The following ZHX3 variants were observed in gnomAD, a reference collection of about 807,000 sequenced individuals.
ZHX3 encodes zinc fingers and homeoboxes 3.
ZHX3 carries 20 observed loss-of-function variants against 64.5 expected under a neutral mutation model. The ratio of observed to expected loss-of-function variants is 0.31; its 90% CI spans 0.22 to 0.45. The LOEUF is 0.45. ZHX3 is among the 20% of genes least tolerant of loss of function. The pLI is 1.00. For missense variants in ZHX3, 1,041 were observed against 1,195.8 expected, an observed-to-expected ratio of 0.87 and a Z score of 1.91; for synonymous variants, 423 against 461.6, an observed-to-expected ratio of 0.92 and a Z score of 1.07.
chr20:41,235,972 C>T (rs2040954629), intron 2 of ZHX3, among the ~76,000 whole-genome samples: 1 of 152,046 alleles, frequency 6.6e-6, no homozygotes, highest in South Asian at 2.1e-4. Context: ...TCCGATACAC[C>T]AATAACAGAC....
chr20:41,224,978 G>A lies in ZHX3; in HGVS notation c.-150-19912C>T, dbSNP rs1310843068. On this transcript the variant is annotated intron_variant, in intron 2 of 3. Coordinates refer to ENST00000683867, the MANE Select transcript of ZHX3 (RefSeq NM_001384317.1). The surrounding 1 kb of genome is among the most constrained non-coding windows in gnomAD (Gnocchi z 5.2). Reference sequence around the variant, plus strand: ...TCACTTTGGCTAGGCTGTAAGCTCTGTAAGTAAGGTCAGGGCCTATATCCA... The same window carrying A: ...TCACTTTGGCTAGGCTGTAAGCTCTATAAGTAAGGTCAGGGCCTATATCCA... Among the ~76,000 whole-genome samples, 3 of 152,204 alleles carry A rather than the reference G, an allele frequency of 2.0e-5. No homozygotes were observed. The highest frequency in any genetic ancestry group is 7.2e-5 in the African/African-American group (3 of 41,460).
At chr20:41,309,754 C>T (rs2045076423) in intron 1 of ZHX3, among the ~76,000 whole-genome samples, 1 of 152,188 alleles carries the variant, frequency 6.6e-6, no homozygotes. Flanking sequence ...GCCCACTTTC[C>T]TTTTCTCCAT....
intron 1 of ZHX3, among the ~76,000 whole-genome samples, chr20:41,311,573 T>C (rs751595771): frequency 6.6e-6 from 1 of 152,234 alleles, no homozygotes; most frequent in Non-Finnish European, 1.5e-5. Flanking sequence ...GGGATTAATA[T>C]TGCAGCATAT....
chr20:41,298,422 CTG>C (rs1045578216), intron 1 of ZHX3, among the ~76,000 whole-genome samples: 21 of 152,330 alleles, frequency 1.4e-4, no homozygotes, highest in African/African-American at 5.1e-4. Flanking sequence ...TCAGACCAAA[CTG>C]AAGTTGGTTA....
chr20:41,214,791 C>T (rs2039406458), intron 2 of ZHX3, among the ~76,000 whole-genome samples: 1 of 152,180 alleles, frequency 6.6e-6, no homozygotes, highest in Non-Finnish European at 1.5e-5. Context: ...TGAGGCACTA[C>T]CATGTGGAAA....
chr20:41,245,516 C>T (rs549746951), intron 2 of ZHX3, among the ~76,000 whole-genome samples: 8 of 152,220 alleles, frequency 5.3e-5, no homozygotes, highest in Non-Finnish European at 7.3e-5. Flanking sequence ...CAAGAGTTAA[C>T]GCTGAGGTGA....
intron 2 of ZHX3, among the ~76,000 whole-genome samples, chr20:41,234,976 G>A (rs1039465127): frequency 4.6e-5 from 7 of 152,224 alleles, no homozygotes; most frequent in African/African-American, 1.7e-4. Flanking sequence ...TCTCTCACTT[G>A]CATTCAGCTA....
At chr20:41,284,848 AC>A (rs2043858223) in intron 1 of ZHX3, among the ~76,000 whole-genome samples, 1 of 151,044 alleles carries the variant, frequency 6.6e-6, no homozygotes. Context: ...GCTCCATCCT[AC>A]CCCCTACACA....
chr20:41,250,273 A>G (rs1044955937), intron 2 of ZHX3, among the ~76,000 whole-genome samples: 7 of 152,240 alleles, frequency 4.6e-5, no homozygotes, highest in Non-Finnish European at 7.3e-5. Flanking sequence ...TTGGAACCAC[A>G]AGAGTAAATC....
At chr20:41,296,816 T>C (rs1181685328) in intron 1 of ZHX3, among the ~76,000 whole-genome samples, 2 of 152,216 alleles carry the variant, frequency 1.3e-5, no homozygotes, top group African/African-American at 2.4e-5. Flanking sequence ...TTCATTCTAC[T>C]TGTGGCGTAT....
At chr20:41,283,430 G>A (rs1349336908) in intron 1 of ZHX3, among the ~76,000 whole-genome samples, 1 of 152,112 alleles carries the variant, frequency 6.6e-6, no homozygotes, top group African/African-American at 2.4e-5. Flanking sequence ...AAAAGCAAAT[G>A]CATCTCCTGG....
At chr20:41,265,403 T>C (rs2042792725) in intron 2 of ZHX3, among the ~76,000 whole-genome samples, 1 of 152,126 alleles carries the variant, frequency 6.6e-6, no homozygotes. Context: ...GGTTTCTCCA[T>C]GTTGGTCAGG....
intron 1 of ZHX3, among the ~76,000 whole-genome samples, chr20:41,271,026 T>G (rs2043120411): frequency 6.6e-6 from 1 of 152,184 alleles, no homozygotes; most frequent in East Asian, 1.9e-4. Context: ...AAAGTATTTT[T>G]GTTTTTTGTT....
chr20:41,311,098 G>A lies in ZHX3; in HGVS notation c.-245+6411C>T, dbSNP rs1448181274. Among the ~76,000 whole-genome samples, 7 of 152,100 alleles carry A rather than the reference G, an allele frequency of 4.6e-5. No individual in the cohort carries two copies. The East Asian group carries it at 9.6e-4, about 21-fold the overall frequency. ...GCTGGGATTACAGGCGTGAGCCACC[G>A]TGCCCGGCCAATTCTCTGATAATTT... On this transcript the variant is annotated intron_variant, in intron 1 of 3. Transcript: ENST00000683867.
rs532062835 is a variant in ZHX3 at position 41,290,371 on chromosome 20, T to G, written c.-244-21288A>C. 2.3e-4 allele frequency: 35 copies of G among 152,346 alleles called. 1 individual carries two copies. Among genetic ancestry groups the G allele is most frequent in the African/African-American group, 8.4e-4 (35 of 41,568 alleles). The allele number at this position is 152,346 out of a possible 1,614,324, so 9.4% of individuals were successfully genotyped here. A position where few individuals can be genotyped will look rare whatever the true frequency, so the allele number is the denominator to read the frequency against. ...ACTGATCTGCATGAGAGTTTTGACC[T>G]TCTTTGTTTCTGACCTAGACAGGTT... On this transcript the variant is annotated intron_variant, in intron 1 of 3. Coordinates refer to ENST00000683867, the MANE Select transcript of ZHX3 (RefSeq NM_001384317.1).
intron 2 of ZHX3, among the ~76,000 whole-genome samples, chr20:41,214,140 G>A (rs1047155739): frequency 1.3e-5 from 2 of 152,032 alleles, no homozygotes; most frequent in African/African-American, 4.8e-5. Flanking sequence ...GACTAAGAAG[G>A]GTACCACTGC....
intron 1 of ZHX3, among the ~76,000 whole-genome samples, chr20:41,297,324 G>T (rs2044583603): frequency 6.6e-6 from 1 of 152,148 alleles, no homozygotes; most frequent in Non-Finnish European, 1.5e-5. Flanking sequence ...AGACCCCAGA[G>T]GAATAACATC....
chr20:41,209,735 A>G, intron 2 of ZHX3, among the ~76,000 whole-genome samples: 1 of 152,242 alleles, frequency 6.6e-6, no homozygotes, highest in Non-Finnish European at 1.5e-5. Flanking sequence ...CTAAAACCAT[A>G]AAAACCCTAG....
rs927606451 is a variant in ZHX3 at position 41,219,462 on chromosome 20, T to C, written c.-150-14396A>G. ...ACTACCAGGTGGTTAGGATGGCCTA[T>C]ACCTGAAGATCTCCAAAGATAGGGA... On this transcript the variant is annotated intron_variant, in intron 2 of 3. Coordinates refer to ENST00000683867, the MANE Select transcript of ZHX3 (RefSeq NM_001384317.1). This position sits in a 1 kb window ranked among gnomAD's most constrained non-coding sequence, Gnocchi z 5.0. 2.0e-5 allele frequency among the ~76,000 whole-genome samples: 3 copies of C among 152,232 alleles called. No individual in the cohort carries two copies. Among genetic ancestry groups the C allele is most frequent in the African/African-American group, 7.2e-5 (3 of 41,466 alleles).
Sources: allele counts gnomAD v4.1 joint callset (sites outside exome capture counted in the v4.1 genomes callset), GRCh38; gene constraint gnomAD v4.1.1; non-coding constraint Gnocchi (gnomAD v3.1); transcripts MANE v1.5; gene names NCBI Gene and HGNC (gene_info 2026-07-23, HGNC 2026-07-21).